EFNA5: variants seen among roughly 807,000 people sequenced by gnomAD.
The protein encoded by EFNA5 is ephrin A5, also known as ephrin-A5.
In EFNA5, 5 loss-of-function variants were observed where a neutral mutation model predicts 22.9. The observed-to-expected ratio is 0.22, with a 90% confidence interval of 0.11 to 0.46. EFNA5 has a LOEUF of 0.46. Ranked by LOEUF, EFNA5 falls within the 20% of genes least tolerant of loss-of-function variation. The pLI is 0.99. For synonymous variants in EFNA5, 113 were observed against 112.2 expected (o/e 1.01, Z -0.04); for missense variants, 237 against 293.3 (o/e 0.81, Z 1.40).
intron 1 of EFNA5, among the ~76,000 whole-genome samples, chr5:107,659,014 T>G (rs932004999): frequency 4.6e-5 from 7 of 152,302 alleles, no homozygotes; most frequent in Middle Eastern, 3.4e-3. Flanking sequence ...TATGGTACTA[T>G]TTTATACTCT....
intron 1 of EFNA5, among the ~76,000 whole-genome samples, chr5:107,481,008 G>T (rs184853071): frequency 6.6e-6 from 1 of 152,200 alleles, no homozygotes; most frequent in Non-Finnish European, 1.5e-5. Flanking sequence ...GCTGGCAGGG[G>T]ACATTCAGCA....
chr5:107,414,238 G>T (rs1198461030), intron 2 of EFNA5, among the ~76,000 whole-genome samples: 3 of 152,102 alleles, frequency 2.0e-5, no homozygotes, highest in Non-Finnish European at 2.9e-5. Context: ...CACGAAATTT[G>T]GGATAGCGTC....
intron 1 of EFNA5, among the ~76,000 whole-genome samples, chr5:107,648,734 G>C (rs2112550821): frequency 6.6e-6 from 1 of 152,066 alleles, no homozygotes; most frequent in Admixed American, 6.6e-5. Flanking sequence ...CTGACTAATT[G>C]TAACTTCAGT....
rs116663219 is a variant in EFNA5, at chr5:107,634,738, G to A, written c.125+35751C>T. 6.0e-3 allele frequency among the ~76,000 whole-genome samples: 737 copies of A among 123,458 alleles called. 43 individuals are homozygous for A. Among genetic ancestry groups the A allele is most frequent in the African/African-American group, 0.017 (646 of 38,616 alleles). The allele number at this position is 123,458 out of a possible 152,430, so 81.0% of individuals were successfully genotyped here. A position where few individuals can be genotyped will look rare whatever the true frequency, so the allele number is the denominator to read the frequency against. ...CAAAAATAATGACAGTATTTCAAATGGGAGAAGTTCAGATAACTGTCTCAA... is the reference window on the plus strand; with the variant it reads ...CAAAAATAATGACAGTATTTCAAATAGGAGAAGTTCAGATAACTGTCTCAA... On this transcript the variant is annotated intron_variant, in intron 1 of 4. Transcript: ENST00000333274.
chr5:107,398,254 C>G (rs1747980778), intron 2 of EFNA5, among the ~76,000 whole-genome samples: 1 of 152,190 alleles, frequency 6.6e-6, no homozygotes, highest in Non-Finnish European at 1.5e-5. Flanking sequence ...TCCTTTGCCT[C>G]TCAAAATCCC....
intron 1 of EFNA5, among the ~76,000 whole-genome samples, chr5:107,463,699 G>A (rs1409556322): frequency 6.6e-6 from 1 of 152,004 alleles, no homozygotes; most frequent in Non-Finnish European, 1.5e-5. Flanking sequence ...ATTAACTCAG[G>A]GATGCTATAG....
At chr5:107,455,642 C>T (rs945784224) in intron 1 of EFNA5, among the ~76,000 whole-genome samples, 2 of 152,152 alleles carry the variant, frequency 1.3e-5, no homozygotes, top group Non-Finnish European at 2.9e-5. Flanking sequence ...AAATACTGCA[C>T]CAGATTAGAA....
At chr5:107,669,030 T>C (rs964155904) in intron 1 of EFNA5, among the ~76,000 whole-genome samples, 1 of 152,006 alleles carries the variant, frequency 6.6e-6, no homozygotes, top group Non-Finnish European at 1.5e-5. Context: ...AGTAAGACTA[T>C]CTTGGACTAG....
At chr5:107,582,412 TAGTA>T (rs1162799665) in intron 1 of EFNA5, among the ~76,000 whole-genome samples, 1 of 152,180 alleles carries the variant, frequency 6.6e-6, no homozygotes, top group East Asian at 1.9e-4. Flanking sequence ...ATACTACAAA[TAGTA>T]AGTGATTCAA....
chr5:107,656,662 T>C (rs758837990), intron 1 of EFNA5, among the ~76,000 whole-genome samples: 2 of 152,142 alleles, frequency 1.3e-5, no homozygotes, highest in African/African-American at 2.4e-5. Context: ...ATTGACTTTA[T>C]TCTTTTTACA....
chr5:107,575,166 A>G (rs1174110113), intron 1 of EFNA5, among the ~76,000 whole-genome samples: 1 of 152,248 alleles, frequency 6.6e-6, no homozygotes, highest in Non-Finnish European at 1.5e-5. Flanking sequence ...GCAGTTAATC[A>G]AAGAGATCCA....
At chr5:107,669,809 C>CA (rs1381739454) in intron 1 of EFNA5, among the ~76,000 whole-genome samples, 1 of 152,068 alleles carries the variant, frequency 6.6e-6, no homozygotes, top group Non-Finnish European at 1.5e-5. Flanking sequence ...AACTTTCTGG[C>CA]ACCTTGAACC....
chr5:107,520,930 A>G (rs1406606841), intron 1 of EFNA5, among the ~76,000 whole-genome samples: 4 of 152,216 alleles, frequency 2.6e-5, no homozygotes, highest in Non-Finnish European at 1.5e-5. Context: ...TAAAGAAAAC[A>G]CCATTTGTGT....
At chr5:107,465,416 A>T (rs965288916) in intron 1 of EFNA5, among the ~76,000 whole-genome samples, 1 of 152,102 alleles carries the variant, frequency 6.6e-6, no homozygotes, top group East Asian at 1.9e-4. Context: ...AGTCCTAAAA[A>T]TGAGTCTTGG....
chr5:107,407,462 G>C (rs1748253594), intron 2 of EFNA5, among the ~76,000 whole-genome samples: 1 of 152,134 alleles, frequency 6.6e-6, no homozygotes, highest in South Asian at 2.1e-4. Context: ...GCATTTCAGA[G>C]AGATCAAGTG....
intron 1 of EFNA5, among the ~76,000 whole-genome samples, chr5:107,559,194 G>A (rs1248699010): frequency 6.6e-6 from 1 of 152,092 alleles, no homozygotes; most frequent in Non-Finnish European, 1.5e-5. Context: ...CATCACCACT[G>A]CCTCTCCCAC....
At chr5:107,395,646 C>T (rs185460983) in intron 2 of EFNA5, among the ~76,000 whole-genome samples, 56 of 152,238 alleles carry the variant, frequency 3.7e-4, no homozygotes, top group African/African-American at 1.0e-3. Flanking sequence ...TGCCTAAGGC[C>T]ACACAATATT....
intron 1 of EFNA5, among the ~76,000 whole-genome samples, chr5:107,556,899 T>C (rs932632074): frequency 2.0e-5 from 3 of 152,042 alleles, no homozygotes; most frequent in African/African-American, 7.2e-5. Context: ...ATTCCACTAA[T>C]GAAAAGCCAC....
At chr5:107,421,434 A>G (rs1748662731) in intron 2 of EFNA5, among the ~76,000 whole-genome samples, 1 of 152,178 alleles carries the variant, frequency 6.6e-6, no homozygotes, top group East Asian at 1.9e-4. Context: ...GTGCAATCGT[A>G]ATTCAGTCTG....
Sources: allele counts gnomAD v4.1 joint callset (sites outside exome capture counted in the v4.1 genomes callset), GRCh38; gene constraint gnomAD v4.1.1; transcripts MANE v1.5; gene names NCBI Gene and HGNC (gene_info 2026-07-23, HGNC 2026-07-21).